CSMD1: variants seen among roughly 807,000 people sequenced by gnomAD.
CSMD1 encodes the protein CUB and sushi domain-containing protein 1.
CSMD1 carries 213 observed loss-of-function variants against 417.5 expected under a neutral mutation model. The observed-to-expected ratio is 0.51, with a 90% CI of 0.46 to 0.57. CSMD1 has a LOEUF of 0.57. Among genes scored for constraint, CSMD1 ranks in the 20% least tolerant of loss-of-function variants. The pLI, the probability that CSMD1 is intolerant of heterozygous loss-of-function variation, is 0.00. For synonymous variants in CSMD1, 2,862 were observed against 1,736.8 expected, an observed-to-expected ratio of 1.65 and a Z score of -16.11; for missense variants, 6,923 against 4,529.7, an observed-to-expected ratio of 1.53 and a Z score of -15.17.
intron 6 of CSMD1, among the ~76,000 whole-genome samples, chr8:3,726,300 G>C (rs199869688): frequency 2.0e-5 from 3 of 152,156 alleles, no homozygotes; most frequent in East Asian, 1.9e-4. Flanking sequence ...AAATACGTGA[G>C]CTCAGACACC....
chr8:4,278,696 G>A (rs972841048), intron 3 of CSMD1, among the ~76,000 whole-genome samples: 5 of 152,056 alleles, frequency 3.3e-5, no homozygotes, highest in African/African-American at 4.8e-5. Context: ...CACTTAAATG[G>A]CTAACAAAAC....
At chr8:4,359,044 T>G (rs1258373963) in intron 3 of CSMD1, among the ~76,000 whole-genome samples, 1 of 152,066 alleles carries the variant, frequency 6.6e-6, no homozygotes, top group African/African-American at 2.4e-5. Context: ...TGTGGCAAAA[T>G]CAATATACAT....
At chr8:4,287,794 C>G (rs1042967046) in intron 3 of CSMD1, among the ~76,000 whole-genome samples, 2 of 151,880 alleles carry the variant, frequency 1.3e-5, no homozygotes, top group Admixed American at 1.3e-4. Context: ...CTCATACTAT[C>G]TCTCCTCCAA....
At chr8:4,908,363 T>C (rs1805437503) in intron 1 of CSMD1, among the ~76,000 whole-genome samples, 1 of 152,108 alleles carries the variant, frequency 6.6e-6, no homozygotes, top group Non-Finnish European at 1.5e-5. Context: ...TTCTTGATGT[T>C]CTCTGACCTT....
chr8:3,735,028 T>C (rs1388454807), intron 6 of CSMD1, among the ~76,000 whole-genome samples: 1 of 152,230 alleles, frequency 6.6e-6, no homozygotes, highest in African/African-American at 2.4e-5. Flanking sequence ...ATGCTGTTTT[T>C]GTAAAACAAA....
intron 39 of CSMD1, among the ~76,000 whole-genome samples, chr8:3,151,966 A>C (rs969553565): frequency 6.6e-6 from 1 of 152,202 alleles, no homozygotes; most frequent in Non-Finnish European, 1.5e-5. Context: ...TTCCCCTCTT[A>C]CACATGAAGA....
chr8:4,044,187 A>C (rs1350250978), intron 3 of CSMD1, among the ~76,000 whole-genome samples: 3 of 152,338 alleles, frequency 2.0e-5, no homozygotes, highest in Admixed American at 1.3e-4. Flanking sequence ...TCATTCTAAA[A>C]GTTGAGGGAT....
chr8:4,158,661 G>T (rs143368838), intron 3 of CSMD1, among the ~76,000 whole-genome samples: 1 of 152,172 alleles, frequency 6.6e-6, no homozygotes, highest in East Asian at 1.9e-4. Context: ...GAAGATCAAC[G>T]CCGTAATAAT....
At chr8:3,561,736 T>C (rs937102834) in intron 10 of CSMD1, among the ~76,000 whole-genome samples, 1 of 152,120 alleles carries the variant, frequency 6.6e-6, no homozygotes, top group African/African-American at 2.4e-5. Flanking sequence ...AGTGTATCCA[T>C]GTGACAAAAC....
Position 3,223,740 on chromosome 8 carries a change from C to T in CSMD1, c.4473G>A (p.Leu1491=). 1.9e-6 allele frequency: 3 copies of T among 1,613,800 alleles called. No homozygotes were observed. Among genetic ancestry groups the T allele is most frequent in the Non-Finnish European group, 2.5e-6 (3 of 1,179,790 alleles). Reference sequence around the variant, plus strand: ...GCAAGAGACGGTACCTTTTGAATATCAAGGCGATGACAAAGTCCGGGTTCA... The same window carrying T: ...GCAAGAGACGGTACCTTTTGAATATTAAGGCGATGACAAAGTCCGGGTTCA... ...VKVNPDFVIA[L]IFKSFNMEPS... is the part of the protein sequence containing the mutation. Residue 1491 remains leucine (L), a synonymous_variant, in exon 28 of 70, where the codon TTG becomes TTA. Transcript: ENST00000635120.
At position 2,973,855 on chromosome 8, in the gene CSMD1, ATGGTAGAGGATGG is replaced by A. The variant is rs1563196381; in HGVS notation, c.8741-569_8741-557del. ...TGGTAGAGGATGATGGTAGAGGATG[ATGGTAGAGGATGG>A]TGGTAGAGGATGATGGTAGAGGATG... On this transcript the variant is annotated intron_variant, in intron 56 of 69. Transcript: ENST00000635120. 9.1e-4 allele frequency among the ~76,000 whole-genome samples: 127 copies of A among 138,856 alleles called. 1 individual carries two copies. The highest frequency in any genetic ancestry group is 3.6e-3 in the Middle Eastern group (1 of 276). The allele number at this position is 138,856 out of a possible 152,430, so 91.1% of individuals were successfully genotyped here.
intron 3 of CSMD1, among the ~76,000 whole-genome samples, chr8:4,348,116 A>T (rs34133534): frequency 0.12 from 18,651 of 152,178 alleles, 1,627 homozygotes; most frequent in African/African-American, 0.24. Context: ...GCTAACTACC[A>T]GTTAGAAGTA....
At chr8:2,962,780 G>T in intron 60 of CSMD1, 141 bp from the exon 61 acceptor site, 1 of 858,698 alleles carries the variant, frequency 1.2e-6, no homozygotes, top group Non-Finnish European at 1.7e-6. Context: ...CAGGCACGGT[G>T]GCTCACGCCT....
At chr8:3,178,994 C>T (rs532200056) in intron 37 of CSMD1, among the ~76,000 whole-genome samples, 125 of 148,258 alleles carry the variant, frequency 8.4e-4, no homozygotes, top group Non-Finnish European at 1.6e-3. Context: ...GTCACCCAGG[C>T]TGGAGTGCAG....
chr8:4,088,850 T>C (rs1432683039), intron 3 of CSMD1, among the ~76,000 whole-genome samples: 2 of 152,160 alleles, frequency 1.3e-5, no homozygotes, highest in East Asian at 3.9e-4. Flanking sequence ...ACTAGTCTCC[T>C]GGTTTCCATG....
At chr8:3,260,152 T>G (rs1268508151) in intron 26 of CSMD1, among the ~76,000 whole-genome samples, 1 of 152,244 alleles carries the variant, frequency 6.6e-6, no homozygotes, top group Admixed American at 6.5e-5. Flanking sequence ...TTAATTCTCA[T>G]GTCTTTGAGT....
intron 7 of CSMD1, among the ~76,000 whole-genome samples, chr8:3,699,046 G>A (rs893454697): frequency 2.0e-5 from 3 of 152,140 alleles, no homozygotes; most frequent in Admixed American, 1.3e-4. Context: ...TGGATCTAGC[G>A]AAGCACTCTG....
intron 3 of CSMD1, among the ~76,000 whole-genome samples, chr8:4,356,808 C>T (rs1009830385): frequency 6.6e-6 from 1 of 152,180 alleles, no homozygotes; most frequent in African/African-American, 2.4e-5. Flanking sequence ...AGCCCCTGAC[C>T]GACTTGACAA....
intron 5 of CSMD1, among the ~76,000 whole-genome samples, chr8:3,816,597 C>T (rs1021327558): frequency 6.6e-6 from 1 of 152,040 alleles, no homozygotes; most frequent in Non-Finnish European, 1.5e-5. Context: ...AGGGTGACTG[C>T]AGTTCACAAT....
Sources: gnomAD v4.1 joint callset for allele counts (sites outside exome capture counted in the v4.1 genomes callset) on GRCh38, gnomAD v4.1.1 for gene constraint, MANE v1.5 for transcripts, NCBI Gene and HGNC (gene_info 2026-07-23, HGNC 2026-07-21) for gene names.